THSD7B: variants seen among roughly 807,000 people sequenced by gnomAD.
THSD7B encodes thrombospondin type 1 domain containing 7B.
In THSD7B, 138 loss-of-function variants were observed where a neutral mutation model predicts 213.6. The ratio of observed to expected loss-of-function variants is 0.65; its 90% CI spans 0.56 to 0.74. The LOEUF is 0.74. Among genes scored for constraint, THSD7B ranks in the 30% least tolerant of loss-of-function variants. The pLI is 0.00. For missense variants in THSD7B, 1,931 were observed against 1,991.5 expected, an observed-to-expected ratio of 0.97 and a Z score of 0.58; for synonymous variants, 742 against 687.0, an observed-to-expected ratio of 1.08 and a Z score of -1.25.
intron 12 of THSD7B, among the ~76,000 whole-genome samples, chr2:137,390,339 G>T (rs1285614129): frequency 6.6e-6 from 1 of 151,934 alleles, no homozygotes; most frequent in African/African-American, 2.4e-5. Context: ...GTTTCAGCTA[G>T]TTCATTATTG....
rs369682236 is a variant in THSD7B, at chr2:137,478,102, T to C, written c.3138+27079T>C. 3.9e-5 allele frequency among the ~76,000 whole-genome samples: 6 copies of C among 152,286 alleles called. No individual in the cohort carries two copies. In the East Asian group the frequency reaches 7.7e-4, roughly 20 times the overall value. On this transcript the variant is annotated intron_variant, in intron 15 of 27. Coordinates refer to ENST00000409968, the MANE Select transcript of THSD7B (RefSeq NM_001316349.2). ...TTTAATTATATCTATTTGGCATCTG[T>C]AAGCTTCCTCTATCTGGATGTCTAA... is the stretch of plus-strand genomic sequence containing the variant.
chr2:137,361,811 A>G (rs1685269915), intron 12 of THSD7B, among the ~76,000 whole-genome samples: 1 of 152,232 alleles, frequency 6.6e-6, no homozygotes, highest in South Asian at 2.1e-4. Flanking sequence ...AACACTCTTC[A>G]GGATATTATC....
intron 12 of THSD7B, among the ~76,000 whole-genome samples, chr2:137,340,121 A>G (rs1158001724): frequency 6.6e-6 from 1 of 151,882 alleles, no homozygotes; most frequent in South Asian, 2.1e-4. Context: ...TCTCCTTTTT[A>G]TAGACATTTT....
At chr2:137,450,139 A>G (rs143352884) in intron 14 of THSD7B, among the ~76,000 whole-genome samples, 97 of 152,300 alleles carry the variant, frequency 6.4e-4, no homozygotes, top group African/African-American at 2.2e-3. Flanking sequence ...AGAGATCTAC[A>G]TTAGAAGTAT....
At chr2:137,488,310 C>A (rs575627927) in intron 15 of THSD7B, among the ~76,000 whole-genome samples, 7 of 151,702 alleles carry the variant, frequency 4.6e-5, no homozygotes, top group East Asian at 3.9e-4. Flanking sequence ...ACACATATAC[C>A]AATATACACA....
chr2:137,104,053 C>G (rs933892710), intron 4 of THSD7B, among the ~76,000 whole-genome samples: 3 of 152,136 alleles, frequency 2.0e-5, no homozygotes, highest in Non-Finnish European at 4.4e-5. Flanking sequence ...CTACAGAACT[C>G]TCCACTCCAA....
intron 2 of THSD7B, among the ~76,000 whole-genome samples, chr2:136,921,790 C>G (rs1282293576): frequency 6.6e-6 from 1 of 152,104 alleles, no homozygotes; most frequent in South Asian, 2.1e-4. Flanking sequence ...TCATTACAGT[C>G]AAAAGAACAA....
At chr2:136,875,666 C>T (rs1362686222) in intron 1 of THSD7B, among the ~76,000 whole-genome samples, 8 of 152,116 alleles carry the variant, frequency 5.3e-5, no homozygotes, top group South Asian at 2.1e-4. Flanking sequence ...CCACTCTATC[C>T]GGATCTTCTG....
At chr2:137,082,538 A>G (rs1573811574) in intron 3 of THSD7B, among the ~76,000 whole-genome samples, 1 of 152,238 alleles carries the variant, frequency 6.6e-6, no homozygotes, top group East Asian at 1.9e-4. Flanking sequence ...CAAATATTTT[A>G]ACTTTAAACA....
At chr2:137,671,379 C>T (rs1683573031) in intron 27 of THSD7B, among the ~76,000 whole-genome samples, 2 of 151,880 alleles carry the variant, frequency 1.3e-5, no homozygotes, top group Admixed American at 1.3e-4. Context: ...CACATTAGGG[C>T]ACTATATTAA....
At chr2:137,599,677 A>G (rs1329949686) in intron 17 of THSD7B, among the ~76,000 whole-genome samples, 1 of 152,118 alleles carries the variant, frequency 6.6e-6, no homozygotes, top group Non-Finnish European at 1.5e-5. Context: ...CTATAAAGAC[A>G]CATGCACACG....
chr2:136,822,037 C>T (rs74373628), intron 1 of THSD7B, among the ~76,000 whole-genome samples: 2,280 of 152,250 alleles, frequency 0.015, 50 homozygotes, highest in African/African-American at 0.052. Flanking sequence ...ACCCTTATTT[C>T]AAGCCCCTCT....
chr2:137,039,763 T>C (rs10166158), intron 2 of THSD7B, among the ~76,000 whole-genome samples: 88,341 of 152,106 alleles, frequency 0.58, 29,633 homozygotes, highest in Non-Finnish European at 0.73. Flanking sequence ...TGTATAGCTC[T>C]GAAGCACTTT....
chr2:137,010,117 G>T (rs1686199061), intron 2 of THSD7B, among the ~76,000 whole-genome samples: 1 of 152,084 alleles, frequency 6.6e-6, no homozygotes. Flanking sequence ...CTGACAAAAT[G>T]TCATCTCACT....
At chr2:137,578,656 C>T (rs1158649136) in intron 17 of THSD7B, among the ~76,000 whole-genome samples, 1 of 152,180 alleles carries the variant, frequency 6.6e-6, no homozygotes, top group Non-Finnish European at 1.5e-5. Context: ...ATGGAAGACA[C>T]CAGCCCCCAC....
rs869146863 is a variant in THSD7B, at chr2:137,238,534, C to CTTTTTTTTTTTT, written c.2151-3904_2151-3893dup. ...TATCCTGATAATGACACTCATCTTT[C>CTTTTTTTTTTTT]TTTTTTTTTTTTTTTTTTTTTTTTT... On this transcript the variant is annotated intron_variant, in intron 9 of 27. Transcript: ENST00000409968. Among the ~76,000 whole-genome samples the CTTTTTTTTTTTT allele has an allele frequency of 3.5e-4, 18 of 51,874 alleles. 3 individuals carry two copies. The highest frequency in any genetic ancestry group is 0.022 in the Middle Eastern group (1 of 46). The allele number at this position is 51,874 out of a possible 152,430, so 34.0% of individuals were successfully genotyped here.
At chr2:137,243,164 G>A (rs1176127598) in intron 10 of THSD7B, among the ~76,000 whole-genome samples, 1 of 152,212 alleles carries the variant, frequency 6.6e-6, no homozygotes, top group Non-Finnish European at 1.5e-5. Context: ...ACACATAGGA[G>A]TATATGCTAA....
intron 15 of THSD7B, among the ~76,000 whole-genome samples, chr2:137,496,856 T>C (rs1162176616): frequency 1.3e-5 from 2 of 152,172 alleles, no homozygotes; most frequent in Non-Finnish European, 2.9e-5. Flanking sequence ...GCCTATCATG[T>C]GCCCGGTCTT....
At chr2:136,945,869 G>T (rs982812177) in intron 2 of THSD7B, among the ~76,000 whole-genome samples, 2 of 151,914 alleles carry the variant, frequency 1.3e-5, no homozygotes, top group Non-Finnish European at 1.5e-5. Flanking sequence ...TTAGCCATTT[G>T]TCTAATCTTT....
Sources: gnomAD v4.1 joint callset for allele counts (sites outside exome capture counted in the v4.1 genomes callset) on GRCh38, gnomAD v4.1.1 for gene constraint, MANE v1.5 for transcripts, NCBI Gene and HGNC (gene_info 2026-07-23, HGNC 2026-07-21) for gene names.